The following DST variants were observed in gnomAD, a reference collection of about 807,000 sequenced individuals.
DST encodes the protein dystonin.
DST carries 253 observed loss-of-function variants against 875.2 expected under a neutral mutation model. The observed-to-expected ratio is 0.29, with a 90% CI of 0.26 to 0.32. The LOEUF is 0.32. Ranked by LOEUF, DST falls within the 10% of genes least tolerant of loss-of-function variation. The pLI is 1.00. For synonymous variants in DST, 3,124 were observed against 3,197.1 expected (o/e 0.98, Z 0.77); for missense variants, 8,287 against 9,111.6 (o/e 0.91, Z 3.68).
chr6:56,843,402 G>C (rs1415269739), intron 4 of DST: 17 of 1,113,282 alleles, frequency 1.5e-5, no homozygotes, highest in Non-Finnish European at 1.8e-5. Context: ...AGTCCCTCTC[G>C]GGTTTCAGCA....
At position 56,882,984 on chromosome 6, in the gene DST, C is replaced by G. The variant is rs564682087; in HGVS notation, c.417+17437G>C. On this transcript the variant is annotated intron_variant, in intron 3 of 103. Coordinates refer to ENST00000680361, the MANE Select transcript of DST (RefSeq NM_001374736.1). Reference sequence around the variant, plus strand: ...CAGGTTCAAGCTGATCCTCCTGCCTCAACCTCCCAAGTAGCTGGAATTACA... The same window carrying G: ...CAGGTTCAAGCTGATCCTCCTGCCTGAACCTCCCAAGTAGCTGGAATTACA... Among the ~76,000 whole-genome samples, 3 of 152,342 alleles carry G rather than the reference C, an allele frequency of 2.0e-5. No individual in the cohort carries two copies. The South Asian group carries it at 6.2e-4, about 32-fold the overall frequency.
At chr6:56,783,182 GA>G (rs1050922294) in intron 4 of DST, among the ~76,000 whole-genome samples, 5 of 152,120 alleles carry the variant, frequency 3.3e-5, no homozygotes, top group Non-Finnish European at 2.9e-5. Flanking sequence ...GTGTGGTGCT[GA>G]AAAAAATGTA....
At chr6:56,792,574 C>A (rs1323901137) in intron 4 of DST, among the ~76,000 whole-genome samples, 1 of 151,988 alleles carries the variant, frequency 6.6e-6, no homozygotes. Context: ...TAGCTGGGAA[C>A]ACAGGGGTAC....
In DST at chr6:56,680,158, T is replaced by C. The variant is rs558869586; in HGVS notation, c.1048-9351A>G. On this transcript the variant is annotated intron_variant, in intron 9 of 103. Transcript: ENST00000680361. ...AGGAAAGCTACCTAAAAAAGTATTC[T>C]GTATTTTCTTGTCTCTATTATCTTC... Among the ~76,000 whole-genome samples, 50 of 152,338 alleles carry C rather than the reference T, an allele frequency of 3.3e-4. No individual in the cohort carries two copies. The East Asian group carries it at 6.0e-3, about 18-fold the overall frequency.
intron 73 of DST, 21 bp downstream of exon 73, chr6:56,511,176 A>T: frequency 6.4e-7 from 1 of 1,555,434 alleles, no homozygotes; most frequent in East Asian, 2.4e-5. Context: ...ACCCAATTCT[A>T]TATCTAGTGT....
intron 33 of DST, 87 bp downstream of exon 33, chr6:56,627,912 T>TTTTCA: frequency 7.4e-7 from 1 of 1,359,960 alleles, no homozygotes; most frequent in African/African-American, 1.4e-5. Flanking sequence ...GTTGGTGACT[T>TTTTCA]TTTCATTTAA....
At chr6:56,511,855 G>C (rs181529593) in intron 72 of DST, among the ~76,000 whole-genome samples, 1 of 151,874 alleles carries the variant, frequency 6.6e-6, no homozygotes, top group Non-Finnish European at 1.5e-5. Flanking sequence ...GAGACAAGAC[G>C]GGGGGAAGGA....
chr6:56,834,276 C>T (rs946615148), intron 4 of DST, among the ~76,000 whole-genome samples: 1 of 151,976 alleles, frequency 6.6e-6, no homozygotes, highest in African/African-American at 2.4e-5. Flanking sequence ...AGACACCTCA[C>T]GAAAGGAAAT....
At chr6:56,570,941 A>T (rs921575187) in intron 53 of DST, among the ~76,000 whole-genome samples, 8 of 152,210 alleles carry the variant, frequency 5.3e-5, no homozygotes, top group African/African-American at 1.9e-4. Context: ...AATGCCACCT[A>T]CTGGTTTCTA....
At chr6:56,497,690 T>C (rs547971486) in intron 81 of DST, 166 bp downstream of exon 81, 12 of 945,228 alleles carry the variant, frequency 1.3e-5, no homozygotes. Context: ...TGCTAAGAAC[T>C]AGAAAGCTGT....
intron 2 of DST, among the ~76,000 whole-genome samples, chr6:56,931,792 C>A (rs1810402094): frequency 6.6e-6 from 1 of 152,116 alleles, no homozygotes; most frequent in South Asian, 2.1e-4. Flanking sequence ...CCAATTCCTC[C>A]CATTTGGAAC....
intron 3 of DST, among the ~76,000 whole-genome samples, chr6:56,869,726 GCT>G (rs1446864283): frequency 6.6e-6 from 1 of 151,980 alleles, no homozygotes; most frequent in Non-Finnish European, 1.5e-5. Context: ...ACAGGGAATC[GCT>G]CTGTCACCAA....
chr6:56,855,870 CA>C (rs1286471826), intron 3 of DST, among the ~76,000 whole-genome samples: 1 of 152,174 alleles, frequency 6.6e-6, no homozygotes, highest in Non-Finnish European at 1.5e-5. Context: ...GAGCAAACTG[CA>C]GCATCCACAG....
intron 4 of DST, among the ~76,000 whole-genome samples, chr6:56,796,253 A>G (rs1173166927): frequency 6.6e-6 from 1 of 152,238 alleles, no homozygotes; most frequent in African/African-American, 2.4e-5. Flanking sequence ...CAAGACAATT[A>G]TTAACTACAG....
Position 56,508,634 on chromosome 6 carries a change from G to A in DST, c.19134C>T (p.His6378=), listed in dbSNP as rs2152471745. Residue 6378 remains histidine, a synonymous_variant, in exon 75 of 104, where the codon CAC becomes CAT. Coordinates refer to ENST00000680361, the MANE Select transcript of DST (RefSeq NM_001374736.1). ...MELAEKFWCD[H]MSLIVTIKDT... The stretch of plus-strand genomic sequence containing the variant: ...CTTTAATGGTAACTATCAATGACAT[G>A]TGATCACACCAGAACTTTTCTGCTA... 1 of 1,613,774 alleles carries A rather than the reference G, an allele frequency of 6.2e-7. No individual in the cohort carries two copies. Among genetic ancestry groups the A allele is most frequent in the Non-Finnish European group, 8.5e-7 (1 of 1,179,752 alleles).
intron 2 of DST, among the ~76,000 whole-genome samples, chr6:56,951,459 C>A (rs1822259591): frequency 6.6e-6 from 1 of 152,154 alleles, no homozygotes; most frequent in Non-Finnish European, 1.5e-5. Context: ...TACACAAATT[C>A]TATTTTTTAA....
At chr6:56,545,220 T>A (rs2152540799) in intron 61 of DST, among the ~76,000 whole-genome samples, 1 of 151,968 alleles carries the variant, frequency 6.6e-6, no homozygotes, top group African/African-American at 2.4e-5. Context: ...CCCAGGATGG[T>A]TTTGAACACC....
chr6:56,760,071 C>T (rs369886274), intron 4 of DST, among the ~76,000 whole-genome samples: 1 of 151,920 alleles, frequency 6.6e-6, no homozygotes, highest in African/African-American at 2.4e-5. Flanking sequence ...CCATGTCCCC[C>T]AAAAGCAAAA....
Position 56,463,053 on chromosome 6 carries a change from G to A in DST, c.23063C>T (p.Ser7688Phe). 5.6e-6 allele frequency: 9 copies of A among 1,606,656 alleles called. No individual in the cohort carries two copies. Among genetic ancestry groups the A allele is most frequent in the Non-Finnish European group, 6.0e-6 (7 of 1,174,252 alleles). The change falls in exon 102 of 104, where the codon TCT becomes TTT. Residue 7688 changes from serine to phenylalanine, a missense_variant. Ser to Phe is a radical substitution (Grantham distance 155). Transcript: ENST00000680361. The part of the protein sequence containing the change: ...AAECSDFPVP[S>F]AEGTPIQGSK... ...TCTGGGGCCTTACAATACCTCTGCA[G>A]ATGGCACGGGAAAGTCTGAGCACTC...
Sources: gnomAD v4.1 joint callset for allele counts (sites outside exome capture counted in the v4.1 genomes callset) on GRCh38, gnomAD v4.1.1 for gene constraint, MANE v1.5 for transcripts, NCBI Gene and HGNC (gene_info 2026-07-23, HGNC 2026-07-21) for gene names.